The following ASH2L variants were observed in gnomAD, a reference collection of about 807,000 sequenced individuals.
ASH2L encodes the protein set1/Ash2 histone methyltransferase complex subunit ASH2.
A neutral mutation model predicts 81.1 loss-of-function variants in ASH2L; 30 were observed. The ratio of observed to expected loss-of-function variants is 0.37; its 90% CI spans 0.28 to 0.50. The LOEUF is 0.50. Among genes scored for constraint, ASH2L ranks in the 20% least tolerant of loss-of-function variants. The pLI, the probability that ASH2L is intolerant of heterozygous loss-of-function variation, is 0.95. For missense variants in ASH2L, 559 were observed against 792.1 expected (o/e 0.71, Z 3.53); for synonymous variants, 273 against 279.9 (o/e 0.98, Z 0.24).
At chr8:38,106,305 C>A in intron 1 of ASH2L, 73 bp from the exon 2 acceptor site, 3 of 1,486,352 alleles carry the variant, frequency 2.0e-6, no homozygotes, top group Non-Finnish European at 2.8e-6. Context: ...GTAATTTGAT[C>A]ATCATTTTTG....
chr8:38,129,886 G>A (rs553836069), intron 12 of ASH2L, among the ~76,000 whole-genome samples: 6 of 152,312 alleles, frequency 3.9e-5, no homozygotes, highest in Admixed American at 1.3e-4. Flanking sequence ...CACTTGGGCC[G>A]TCTCAGGTTT....
chr8:38,119,465 G>C (rs1017664017), intron 9 of ASH2L, 102 bp downstream of exon 9: 1 of 1,012,074 alleles, frequency 9.9e-7, no homozygotes, highest in African/African-American at 1.7e-5. Context: ...AGGTTAAAAA[G>C]CCTGTCCATT....
chr8:38,138,896 C>T, intron 15 of ASH2L, 21 bp downstream of exon 15: 1 of 1,613,658 alleles, frequency 6.2e-7, no homozygotes, highest in South Asian at 1.1e-5. Context: ...TTACAAATGG[C>T]TGCATGTGTC....
intron 13 of ASH2L, among the ~76,000 whole-genome samples, chr8:38,133,781 G>A (rs1802151351): frequency 6.6e-6 from 1 of 152,160 alleles, no homozygotes; most frequent in Admixed American, 6.5e-5. Context: ...GTAGAGAAAA[G>A]TGTATAAAAA....
chr8:38,123,050 T>C (rs961489920), intron 10 of ASH2L, among the ~76,000 whole-genome samples: 2 of 151,878 alleles, frequency 1.3e-5, no homozygotes, highest in Admixed American at 1.3e-4. Context: ...CTTGCTCATA[T>C]TTAATATGCA....
intron 10 of ASH2L, among the ~76,000 whole-genome samples, chr8:38,125,608 CAAAA>C (rs11304330): frequency 6.8e-6 from 1 of 146,866 alleles, no homozygotes. Context: ...AACTCCATCT[CAAAA>C]AAAAAAAAAA....
chr8:38,136,240 T>G (rs1802251595), intron 14 of ASH2L, among the ~76,000 whole-genome samples: 1 of 150,864 alleles, frequency 6.6e-6, no homozygotes, highest in Admixed American at 6.6e-5. Flanking sequence ...AATTTTTTGG[T>G]TTTTGTTTTT....
chr8:38,134,708 G>A (rs1192643455), intron 13 of ASH2L, among the ~76,000 whole-genome samples: 16 of 151,686 alleles, frequency 1.1e-4, no homozygotes, highest in Non-Finnish European at 1.8e-4. Context: ...GACACTAATA[G>A]AAGGAGATGG....
At chr8:38,127,234 A>G (rs1482046665) in intron 10 of ASH2L, among the ~76,000 whole-genome samples, 1 of 151,596 alleles carries the variant, frequency 6.6e-6, no homozygotes, top group Non-Finnish European at 1.5e-5. Flanking sequence ...CACTTGGGCC[A>G]ACACAAGAAG....
In ASH2L at chr8:38,126,723, G is replaced by A. The variant is rs542166669; in HGVS notation, c.1166-1568G>A. ...TAAAAAATTAGCCGGGCGTGGTGGC[G>A]GGCACCTGTAATCCCAGCTACTTGG... On this transcript the variant is annotated intron_variant, in intron 10 of 15. Coordinates refer to ENST00000343823, the MANE Select transcript of ASH2L (RefSeq NM_004674.5). Among the ~76,000 whole-genome samples, 69 of 151,190 alleles carry A rather than the reference G, an allele frequency of 4.6e-4. 1 individual carries two copies. The East Asian group carries it at 0.011, about 25-fold the overall frequency.
intron 3 of ASH2L, 114 bp downstream of exon 3, chr8:38,107,280 C>T (rs1810478065): frequency 1.5e-6 from 2 of 1,332,080 alleles, no homozygotes; most frequent in South Asian, 1.3e-5. Context: ...TCTCCTAACC[C>T]CTATTCAGCA....
At chr8:38,125,564 C>T (rs550794146) in intron 10 of ASH2L, among the ~76,000 whole-genome samples, 49 of 151,334 alleles carry the variant, frequency 3.2e-4, no homozygotes, top group Admixed American at 5.9e-4. Context: ...GCCGAGATCG[C>T]GCCATTGCAC....
chr8:38,139,399 T>C lies in ASH2L; in HGVS notation c.*328T>C, dbSNP rs763177460. On this transcript the variant is annotated 3_prime_UTR_variant, in exon 16 of 16. Coordinates refer to ENST00000343823, the MANE Select transcript of ASH2L (RefSeq NM_004674.5). ...TATATTTTCTAAGGAGTGAATAATA[T>C]TGTCCGAGTAACTAACTTATTTAAA... The C allele has an allele frequency of 9.9e-6, 2 of 202,446 alleles. No individual in the cohort carries two copies. The highest frequency in any genetic ancestry group is 2.0e-5 in the Non-Finnish European group (2 of 100,672). The allele number at this position is 202,446 out of a possible 1,614,324, so 12.5% of individuals were successfully genotyped here.
chr8:38,136,952 T>A (rs75041088), intron 14 of ASH2L, among the ~76,000 whole-genome samples: 4,636 of 150,750 alleles, frequency 0.031, 263 homozygotes, highest in East Asian at 0.24. Context: ...ATTAGCCAGA[T>A]GTGATGGCCA....
chr8:38,139,178 C>G lies in ASH2L; in HGVS notation c.*107C>G. 1.1e-6 allele frequency: 1 copy of G among 913,966 alleles called. No homozygotes were observed. Among genetic ancestry groups the G allele is most frequent in the East Asian group, 2.7e-5 (1 of 37,248 alleles). The allele number at this position is 913,966 out of a possible 1,614,324, so 56.6% of individuals were successfully genotyped here. ...CTCCCAAAGATGCTAAAAACACAGCCTCTCCTTTTAGCAAGTTAAAAGGCT... is the reference window on the plus strand; with the variant it reads ...CTCCCAAAGATGCTAAAAACACAGCGTCTCCTTTTAGCAAGTTAAAAGGCT... On this transcript the variant is annotated 3_prime_UTR_variant, in exon 16 of 16. Coordinates refer to ENST00000343823, the MANE Select transcript of ASH2L (RefSeq NM_004674.5).
chr8:38,110,901 T>C, intron 5 of ASH2L, 68 bp downstream of exon 5: 3 of 1,242,620 alleles, frequency 2.4e-6, no homozygotes, highest in Non-Finnish European at 3.5e-6. Flanking sequence ...ATATACTCCC[T>C]AACAAGTACT....
At chr8:38,125,977 G>A (rs1415334291) in intron 10 of ASH2L, among the ~76,000 whole-genome samples, 1 of 152,156 alleles carries the variant, frequency 6.6e-6, no homozygotes, top group East Asian at 1.9e-4. Context: ...GCCAAAGTGG[G>A]TAGATAACCG....
chr8:38,128,155 C>A (rs1363925714), intron 10 of ASH2L, 136 bp from the exon 11 acceptor site: 1 of 1,029,908 alleles, frequency 9.7e-7, no homozygotes. Flanking sequence ...TTTTTAAACT[C>A]CTCAACTAAT....
intron 10 of ASH2L, among the ~76,000 whole-genome samples, chr8:38,125,636 C>A (rs1801816173): frequency 6.6e-6 from 1 of 151,136 alleles, no homozygotes; most frequent in Admixed American, 6.6e-5. Flanking sequence ...CAGATATTTT[C>A]TTTTATAACC....
Sources: allele counts gnomAD v4.1 joint callset (sites outside exome capture counted in the v4.1 genomes callset), GRCh38; gene constraint gnomAD v4.1.1; transcripts MANE v1.5; gene names NCBI Gene and HGNC (gene_info 2026-07-23, HGNC 2026-07-21).